The following ACSL3 variants were observed in gnomAD, a reference collection of about 807,000 sequenced individuals.
The protein encoded by ACSL3 is fatty acid CoA ligase Acsl3.
Under a neutral mutation model 84.7 loss-of-function variants are expected in ACSL3, and 34 were observed. That is an observed-to-expected ratio of 0.40 (90% confidence interval 0.31 to 0.53). The LOEUF (loss-of-function observed/expected upper bound fraction) is 0.53, where lower values mean the gene tolerates loss of function less well. Among genes scored for constraint, ACSL3 ranks in the 20% least tolerant of loss-of-function variants. The pLI is 0.48. For missense variants in ACSL3, 680 were observed against 873.1 expected, an observed-to-expected ratio of 0.78 and a Z score of 2.79; for synonymous variants, 315 against 299.4, an observed-to-expected ratio of 1.05 and a Z score of -0.54.
At position 222,907,756 on chromosome 2, in the gene ACSL3, TAA is replaced by T. The variant is rs34528925; in HGVS notation, c.-40-961_-40-960del. ...TCTATCCTGGGTGAGATCCTGTCTT[TAA>T]AAAAAAAAAAAAAAAGGTATTATTA... On this transcript the variant is annotated intron_variant, in intron 3 of 16. Coordinates refer to ENST00000357430, the MANE Select transcript of ACSL3 (RefSeq NM_004457.5). Among the ~76,000 whole-genome samples the T allele has an allele frequency of 7.2e-3, 1,006 of 138,902 alleles. 4 individuals are homozygous for T. The highest frequency in any genetic ancestry group is 0.022 in the Middle Eastern group (6 of 268). 91.1% of individuals were successfully genotyped at this position (138,902 alleles called of 152,430 possible).
chr2:222,874,059 T>A (rs1321072023), intron 1 of ACSL3, among the ~76,000 whole-genome samples: 2 of 152,200 alleles, frequency 1.3e-5, no homozygotes, highest in African/African-American at 4.8e-5. Context: ...TCTCACTCTG[T>A]CACCCAGGCT....
At chr2:222,926,082 C>T (rs891495253) in intron 11 of ACSL3, among the ~76,000 whole-genome samples, 2 of 152,044 alleles carry the variant, frequency 1.3e-5, no homozygotes, top group African/African-American at 4.8e-5. Flanking sequence ...TTAGATTCAA[C>T]CAACCGTGGA....
Position 222,942,641 on chromosome 2 carries a change from A to G in ACSL3, c.*987A>G, listed in dbSNP as rs543503218. The G allele has an allele frequency of 4.9e-6, 1 of 203,370 alleles. No individual in the cohort carries two copies. The highest frequency in any genetic ancestry group is 1.9e-4 in the South Asian group (1 of 5,258). The allele number at this position is 203,370 out of a possible 1,614,324, so 12.6% of individuals were successfully genotyped here. A position where few individuals can be genotyped will look rare whatever the true frequency, so the allele number is the denominator to read the frequency against. ...TTTTAGTCTAGATAATCATTATTTCATTTTAAAATTAGTGTTTTTCCTAGT... is the reference window on the plus strand; with the variant it reads ...TTTTAGTCTAGATAATCATTATTTCGTTTTAAAATTAGTGTTTTTCCTAGT... On this transcript the variant is annotated 3_prime_UTR_variant, in exon 17 of 17. Coordinates refer to ENST00000357430, the MANE Select transcript of ACSL3 (RefSeq NM_004457.5).
intron 4 of ACSL3, among the ~76,000 whole-genome samples, chr2:222,911,279 C>T (rs1696434032): frequency 1.3e-5 from 2 of 152,070 alleles, no homozygotes; most frequent in African/African-American, 4.8e-5. Flanking sequence ...GAACTCCCAG[C>T]CTCAGGTGAT....
At chr2:222,906,418 C>T (rs551245861) in intron 3 of ACSL3, among the ~76,000 whole-genome samples, 3 of 152,282 alleles carry the variant, frequency 2.0e-5, no homozygotes, top group Admixed American at 1.3e-4. Flanking sequence ...TTGGACAAAG[C>T]TTTGGGCCAT....
intron 16 of ACSL3, among the ~76,000 whole-genome samples, chr2:222,940,900 A>ATT (rs113046012): frequency 2.1e-5 from 3 of 146,076 alleles, no homozygotes; most frequent in African/African-American, 5.0e-5. Flanking sequence ...TCTAAATGTA[A>ATT]TTTTTTTTTT....
At chr2:222,865,739 TC>T (rs1458824470) in intron 1 of ACSL3, among the ~76,000 whole-genome samples, 1 of 152,082 alleles carries the variant, frequency 6.6e-6, no homozygotes, top group African/African-American at 2.4e-5. Context: ...ACTGGAGTTT[TC>T]CCAGGTCAAC....
intron 1 of ACSL3, among the ~76,000 whole-genome samples, chr2:222,886,797 A>G (rs1442869285): frequency 1.3e-5 from 2 of 152,166 alleles, no homozygotes; most frequent in African/African-American, 4.8e-5. Context: ...AGCAAAATTG[A>G]GAGGAAGGTG....
chr2:222,890,858 A>T (rs934150733), intron 2 of ACSL3, among the ~76,000 whole-genome samples: 4 of 152,054 alleles, frequency 2.6e-5, no homozygotes, highest in Non-Finnish European at 5.9e-5. Flanking sequence ...GGCCAGGCTG[A>T]CCTTGAACTC....
At chr2:222,928,086 G>A (rs1696928679) in intron 12 of ACSL3, among the ~76,000 whole-genome samples, 1 of 152,180 alleles carries the variant, frequency 6.6e-6, no homozygotes, top group South Asian at 2.1e-4. Flanking sequence ...TTAAATAAAA[G>A]TCTTTAAAAT....
At chr2:222,873,599 C>T (rs538472791) in intron 1 of ACSL3, among the ~76,000 whole-genome samples, 2 of 152,262 alleles carry the variant, frequency 1.3e-5, no homozygotes, top group South Asian at 2.1e-4. Flanking sequence ...GAGGTGCTTT[C>T]GGTCCTGATA....
intron 1 of ACSL3, among the ~76,000 whole-genome samples, chr2:222,873,230 T>C (rs1366657247): frequency 6.6e-6 from 1 of 152,228 alleles, no homozygotes; most frequent in Non-Finnish European, 1.5e-5. Context: ...CATCTATAAA[T>C]ATATATAACA....
chr2:222,941,845 C>A lies in ACSL3; in HGVS notation c.*191C>A. On this transcript the variant is annotated 3_prime_UTR_variant, in exon 17 of 17. Coordinates refer to ENST00000357430, the MANE Select transcript of ACSL3 (RefSeq NM_004457.5). ...GCAAACTTGTGTCTGTCTCTTCTTT[C>A]ATTTTCCCCGCCACCAACTTACTTT... The A allele has an allele frequency of 1.8e-6, 1 of 558,446 alleles. No homozygotes were observed. Among genetic ancestry groups the A allele is most frequent in the Admixed American group, 3.7e-5 (1 of 26,732 alleles). The allele number at this position is 558,446 out of a possible 1,614,324, so 34.6% of individuals were successfully genotyped here.
At position 222,880,501 on chromosome 2, in the gene ACSL3, A is replaced by G. The variant is rs185402829; in HGVS notation, c.-206-7329A>G. Among the ~76,000 whole-genome samples, 39 of 152,106 alleles carry G rather than the reference A, an allele frequency of 2.6e-4. No individual in the cohort carries two copies. In the East Asian group the frequency reaches 7.0e-3, roughly 27 times the overall value. On this transcript the variant is annotated intron_variant, in intron 1 of 16. Transcript: ENST00000357430. Reference sequence around the variant, plus strand: ...CTATTGTGACTATATTTCCGTTTCAATTTCTAACTGGTGATTAATAATATA... The same window carrying G: ...CTATTGTGACTATATTTCCGTTTCAGTTTCTAACTGGTGATTAATAATATA...
intron 1 of ACSL3, among the ~76,000 whole-genome samples, chr2:222,865,304 T>A (rs1695109163): frequency 6.6e-6 from 1 of 152,226 alleles, no homozygotes; most frequent in Non-Finnish European, 1.5e-5. Flanking sequence ...GATGATTCAG[T>A]AGTTTCAACT....
chr2:222,903,021 C>G (rs980045954), intron 3 of ACSL3, among the ~76,000 whole-genome samples: 1 of 151,950 alleles, frequency 6.6e-6, no homozygotes, highest in African/African-American at 2.4e-5. Flanking sequence ...CAATATGGTA[C>G]TACAAATAGA....
intron 16 of ACSL3, among the ~76,000 whole-genome samples, chr2:222,936,297 C>T (rs1697168558): frequency 6.6e-6 from 1 of 152,054 alleles, no homozygotes; most frequent in African/African-American, 2.4e-5. Flanking sequence ...GATCCTATGG[C>T]AATTATTAAT....
intron 16 of ACSL3, 123 bp from the exon 17 acceptor site, chr2:222,941,374 G>A (rs1214142666): frequency 5.8e-6 from 4 of 691,198 alleles, no homozygotes; most frequent in Non-Finnish European, 4.7e-6. Context: ...TTCTTTAGAA[G>A]TGACATTCAT....
chr2:222,878,196 A>G (rs1358187249), intron 1 of ACSL3, among the ~76,000 whole-genome samples: 1 of 152,210 alleles, frequency 6.6e-6, no homozygotes, highest in East Asian at 1.9e-4. Context: ...AGATTTGAAT[A>G]TATTACCAGA....
Sources: allele counts gnomAD v4.1 joint callset (sites outside exome capture counted in the v4.1 genomes callset), GRCh38; gene constraint gnomAD v4.1.1; transcripts MANE v1.5; gene names NCBI Gene and HGNC (gene_info 2026-07-23, HGNC 2026-07-21).